EFTUD2: variants seen among roughly 807,000 people sequenced by gnomAD.
EFTUD2 encodes the protein 116 kDa U5 small nuclear ribonucleoprotein component.
A neutral mutation model predicts 114.3 loss-of-function variants in EFTUD2; 9 were observed. That is an observed-to-expected ratio of 0.08 (90% CI 0.05 to 0.14). The LOEUF (loss-of-function observed/expected upper bound fraction) is 0.14. Ranked by LOEUF, EFTUD2 falls within the 10% of genes least tolerant of loss-of-function variation. EFTUD2 has a pLI of 1.00. For missense variants in EFTUD2, 765 were observed against 1,241.2 expected, an observed-to-expected ratio of 0.62 and a Z score of 5.76; for synonymous variants, 449 against 462.3, an observed-to-expected ratio of 0.97 and a Z score of 0.37.
chr17:44,885,390 G>A (rs1247304183), intron 3 of EFTUD2, 56 bp from the exon 4 acceptor site: 14 of 1,174,032 alleles, frequency 1.2e-5, no homozygotes, highest in Admixed American at 5.2e-5. Flanking sequence ...ATAAAAATAC[G>A]GAACACTATT....
chr17:44,853,764 T>C (rs545023032), intron 23 of EFTUD2, 129 bp from the exon 24 acceptor site: 2 of 1,502,680 alleles, frequency 1.3e-6, no homozygotes, highest in Admixed American at 2.1e-5. Context: ...AGAAATCAAA[T>C]GGGAGGTGGG....
chr17:44,868,304 G>A lies in EFTUD2; in HGVS notation c.1041C>T (p.Ile347=). The A allele has an allele frequency of 6.2e-7, 1 of 1,613,992 alleles. No homozygotes were observed. Among genetic ancestry groups the A allele is most frequent in the Non-Finnish European group, 8.5e-7 (1 of 1,179,944 alleles). ...QEFAKRLWGD[I]YFNPKTRKFT... is the part of the protein sequence containing the mutation. ...CTACTTACGTCTTAGGGTTGAAGTA[G>A]ATGTCACCCCAGAGTCTTTTAGCAA... The change falls in exon 12 of 28, where the codon ATC becomes ATT. Residue 347 remains isoleucine (I), a synonymous_variant. Transcript: ENST00000426333.
At position 44,851,374 on chromosome 17, in the gene EFTUD2, A is replaced by G; in HGVS notation, c.2824-5T>C. The G allele has an allele frequency of 1.2e-6, 2 of 1,611,856 alleles. No individual in the cohort carries two copies. The highest frequency in any genetic ancestry group is 1.7e-6 in the Non-Finnish European group (2 of 1,178,376). On this transcript the variant is annotated splice_polypyrimidine_tract_variant and splice_region_variant and intron_variant, in intron 27 of 27. Transcript: ENST00000426333. ...GCTCACATCTTCACTGAGGCCCTGC[A>G]GGGAATGGGGCAAATATAAGAAAGC... is the stretch of plus-strand genomic sequence containing the variant.
In EFTUD2 at chr17:44,851,130, G is replaced by A; in HGVS notation, c.*144C>T. On this transcript the variant is annotated 3_prime_UTR_variant, in exon 28 of 28. Transcript: ENST00000426333. ...CCTCTCTCACTGGGGCTCTGGGTTG[G>A]AGGTTGGTGAGTTGTTCAAGATGGC... 2.9e-6 allele frequency: 2 copies of A among 695,480 alleles called. No individual in the cohort carries two copies. Among genetic ancestry groups the A allele is most frequent in the Non-Finnish European group, 5.2e-6 (2 of 386,870 alleles). 43.1% of individuals were successfully genotyped at this position (695,480 alleles called of 1,614,324 possible).
chr17:44,875,766 G>A (rs2050936363), intron 10 of EFTUD2, 168 bp downstream of exon 10: 4 of 706,826 alleles, frequency 5.7e-6, no homozygotes, highest in East Asian at 2.5e-5. Context: ...ATGAAGATGT[G>A]TTAAAGTATG....
intron 13 of EFTUD2, among the ~76,000 whole-genome samples, chr17:44,865,615 T>A (rs2050732085): frequency 6.6e-6 from 1 of 152,138 alleles, no homozygotes; most frequent in South Asian, 2.1e-4. Context: ...TAATTGCTAT[T>A]TTATCTTGTT....
At chr17:44,863,032 C>T in intron 15 of EFTUD2, 126 bp from the exon 16 acceptor site, 1 of 729,982 alleles carries the variant, frequency 1.4e-6, no homozygotes, top group Non-Finnish European at 2.2e-6. Flanking sequence ...GAGGTAGTCT[C>T]ATCTCCAAAC....
At chr17:44,866,412 T>C (rs1288816087) in intron 13 of EFTUD2, among the ~76,000 whole-genome samples, 5 of 73,502 alleles carry the variant, frequency 6.8e-5, no homozygotes, top group Admixed American at 2.3e-4. Context: ...TCCCAGTTGA[T>C]TTATTTTATT....
chr17:44,879,522 G>A, intron 9 of EFTUD2, 34 bp downstream of exon 9: 3 of 1,609,668 alleles, frequency 1.9e-6, no homozygotes, highest in Non-Finnish European at 2.6e-6. Context: ...AACATAACAG[G>A]TGGATGAGAT....
At chr17:44,868,897 A>G (rs2145491156) in intron 11 of EFTUD2, among the ~76,000 whole-genome samples, 1 of 152,250 alleles carries the variant, frequency 6.6e-6, no homozygotes, top group East Asian at 1.9e-4. Flanking sequence ...TCACCAATTA[A>G]TATTTTTAGT....
intron 20 of EFTUD2, 59 bp from the exon 21 acceptor site, chr17:44,855,063 C>T: frequency 6.9e-7 from 1 of 1,450,920 alleles, no homozygotes; most frequent in South Asian, 1.1e-5. Flanking sequence ...AGAGGCATTA[C>T]TAAGAAAAGG....
intron 9 of EFTUD2, among the ~76,000 whole-genome samples, chr17:44,877,619 G>A (rs1044552086): frequency 7.3e-5 from 11 of 150,964 alleles, no homozygotes; most frequent in Non-Finnish European, 3.0e-5. Context: ...CAGCCTGACC[G>A]ACATGGTGAA....
At chr17:44,894,650 G>A (rs1398998623) in intron 1 of EFTUD2, 125 bp from the exon 2 acceptor site, 2 of 689,182 alleles carry the variant, frequency 2.9e-6, no homozygotes, top group Non-Finnish European at 5.2e-6. Context: ...CCTCTCCAGT[G>A]ACATCAACCT....
At chr17:44,879,877 G>A (rs1253184349) in intron 8 of EFTUD2, among the ~76,000 whole-genome samples, 7 of 152,168 alleles carry the variant, frequency 4.6e-5, no homozygotes, top group African/African-American at 1.4e-4. Context: ...GCCCAGGAGA[G>A]CATGAGTCCA....
chr17:44,880,380 T>C (rs1245437964), intron 8 of EFTUD2, 174 bp downstream of exon 8: 1 of 533,278 alleles, frequency 1.9e-6, no homozygotes, highest in Non-Finnish European at 3.4e-6. Context: ...AGTATGATGC[T>C]TGCTAAATTA....
chr17:44,874,055 TTTA>T, intron 10 of EFTUD2, among the ~76,000 whole-genome samples: 1 of 148,064 alleles, frequency 6.8e-6, no homozygotes. Flanking sequence ...TTTTTTTTTT[TTTA>T]AGAGACAGGA....
rs1191076207 is a variant in EFTUD2 at position 44,851,362 on chromosome 17, C to A, written c.2831G>T (p.Ser944Ile). The change falls in exon 28 of 28, where the codon AGT becomes ATT. Residue 944 changes from serine to isoleucine, a missense_variant. This residue lies in a region of EFTUD2 where 166 missense variants were observed against 401.5 expected (regional missense o/e 0.41). Transcript: ENST00000426333. ...MIKTRRRKGLSEDVSISKFFD... is the reference protein window; with the variant it reads ...MIKTRRRKGLIEDVSISKFFD... ...GAATTTGCTGATGCTCACATCTTCA[C>A]TGAGGCCCTGCAGGGAATGGGGCAA... The A allele has an allele frequency of 8.7e-6, 14 of 1,613,688 alleles. No individual in the cohort carries two copies. The highest frequency in any genetic ancestry group is 1.2e-5 in the Non-Finnish European group (14 of 1,179,850).
intron 1 of EFTUD2, among the ~76,000 whole-genome samples, chr17:44,895,503 A>C (rs1037566291): frequency 1.2e-4 from 18 of 152,204 alleles, no homozygotes; most frequent in African/African-American, 4.1e-4. Flanking sequence ...CTCAAAAAAA[A>C]AAAAAAAAAA....
intron 3 of EFTUD2, 108 bp downstream of exon 3, chr17:44,886,477 T>C: frequency 1.3e-6 from 2 of 1,519,764 alleles, no homozygotes; most frequent in Admixed American, 2.1e-5. Context: ...CTGAAGGTAG[T>C]AAAGAAAAAC....
Sources: allele counts gnomAD v4.1 joint callset (sites outside exome capture counted in the v4.1 genomes callset), GRCh38; gene constraint gnomAD v4.1.1; regional missense constraint gnomAD v4.1.1; transcripts MANE v1.5; gene names NCBI Gene and HGNC (gene_info 2026-07-23, HGNC 2026-07-21).